ARMC2: variants seen among roughly 807,000 people sequenced by gnomAD.
The protein encoded by ARMC2 is armadillo repeat containing 2.
In ARMC2, 67 loss-of-function variants were observed where a neutral mutation model predicts 90.3. The ratio of observed to expected loss-of-function variants is 0.74; its 90% CI spans 0.61 to 0.91. The LOEUF is 0.91. Among genes scored for constraint, ARMC2 ranks in the 40% least tolerant of loss-of-function variants. ARMC2 has a pLI of 0.00. For synonymous variants in ARMC2, 393 were observed against 393.0 expected (o/e 1.00, Z 0.00); for missense variants, 920 against 1,030.9 (o/e 0.89, Z 1.47).
At chr6:108,951,214 C>G (rs1479820721) in intron 12 of ARMC2, among the ~76,000 whole-genome samples, 1 of 152,168 alleles carries the variant, frequency 6.6e-6, no homozygotes, top group African/African-American at 2.4e-5. Context: ...TCTTCCTTTG[C>G]CGTTTTAGTC....
chr6:109,012,832 A>G, the ARMC2 span, among the ~76,000 whole-genome samples: 3 of 152,034 alleles, frequency 2.0e-5, no homozygotes, highest in Admixed American at 2.0e-4. Context: ...GATAAGCAGT[A>G]GGCCGGGCGT....
At chr6:108,930,592 C>CTTT (rs144870507) in intron 11 of ARMC2, among the ~76,000 whole-genome samples, 111 of 93,758 alleles carry the variant, frequency 1.2e-3, no homozygotes, top group Non-Finnish European at 1.4e-3. Context: ...TGCCCTGAAT[C>CTTT]TTTTTTTTTT....
rs1290183133 is a variant in ARMC2, at chr6:108,910,961, T to C, written c.1086T>C (p.Asn362=). ...AACTTATATTTAAAATTAGCAGGAA[T>C]GAGAAGAATGATTCTTTGATTCAAA... The part of the protein sequence containing the change: ...VCKLIFKISR[N]EKNDSLIQND... Residue 362 remains asparagine (N), a synonymous_variant, in exon 9 of 18, where the codon AAT becomes AAC. Transcript: ENST00000392644. 2.0e-5 allele frequency: 32 copies of C among 1,585,050 alleles called. No homozygotes were observed. The highest frequency in any genetic ancestry group is 2.7e-5 in the Non-Finnish European group (31 of 1,165,596).
In ARMC2 at chr6:108,912,216, A is replaced by G. The variant is rs904936541; in HGVS notation, c.1127-119A>G. 4.0e-6 allele frequency: 3 copies of G among 742,260 alleles called. No individual in the cohort carries two copies. The African/African-American group carries it at 5.3e-5, about 13-fold the overall frequency. 46.0% of individuals were successfully genotyped at this position (742,260 alleles called of 1,614,324 possible). The stretch of plus-strand genomic sequence containing the variant: ...TATATAACTCTTAACAAGCACTTGA[A>G]TGTAGATTTTGATAAATATATTTTA... On this transcript the variant is annotated intron_variant, in intron 9 of 17. Transcript: ENST00000392644.
At chr6:108,884,156 C>T (rs757175439) in intron 5 of ARMC2, among the ~76,000 whole-genome samples, 35 of 152,124 alleles carry the variant, frequency 2.3e-4, no homozygotes, top group Non-Finnish European at 4.1e-4. Context: ...GTCCGATAAG[C>T]GTTTCCTGGT....
chr6:109,002,208 C>T, the ARMC2 span: 1 of 1,355,812 alleles, frequency 7.4e-7, no homozygotes, highest in African/African-American at 1.4e-5. Flanking sequence ...CTTCAGATGC[C>T]AACATGTGGG....
chr6:108,928,741 C>A (rs1332693805), intron 11 of ARMC2, among the ~76,000 whole-genome samples: 1 of 152,150 alleles, frequency 6.6e-6, no homozygotes, highest in Non-Finnish European at 1.5e-5. Context: ...TCATTTGAAT[C>A]CAGGTTGCCT....
At chr6:108,999,576 G>C in the ARMC2 span, among the ~76,000 whole-genome samples, 1 of 152,082 alleles carries the variant, frequency 6.6e-6, no homozygotes, top group Non-Finnish European at 1.5e-5. Flanking sequence ...ATAACAATGA[G>C]ATGCCACTTC....
At chr6:108,942,678 T>G (rs1776538725) in intron 12 of ARMC2, among the ~76,000 whole-genome samples, 1 of 152,204 alleles carries the variant, frequency 6.6e-6, no homozygotes, top group Non-Finnish European at 1.5e-5. Context: ...CTGGAAGCTT[T>G]GTAGTCTCTT....
At chr6:108,985,816 G>A in the ARMC2 span, among the ~76,000 whole-genome samples, 2 of 152,162 alleles carry the variant, frequency 1.3e-5, no homozygotes, top group Non-Finnish European at 2.9e-5. Flanking sequence ...GGCAGAAGAG[G>A]ACAAAGGCAT....
At chr6:108,988,315 A>C in the ARMC2 span, 7 of 388,630 alleles carry the variant, frequency 1.8e-5, no homozygotes, top group Admixed American at 3.1e-4. Context: ...CAGCCATGCC[A>C]GCACTTCTGA....
At chr6:109,006,426 C>T in the ARMC2 span, among the ~76,000 whole-genome samples, 1 of 151,616 alleles carries the variant, frequency 6.6e-6, no homozygotes. Flanking sequence ...TTAGGTATAT[C>T]TCCTAATGCT....
intron 11 of ARMC2, among the ~76,000 whole-genome samples, chr6:108,928,975 T>C (rs1315160516): frequency 2.0e-5 from 3 of 151,278 alleles, no homozygotes; most frequent in African/African-American, 7.3e-5. Flanking sequence ...CCAAATCTGA[T>C]TTTTTTTTAA....
At chr6:108,981,278 C>T in the ARMC2 span, among the ~76,000 whole-genome samples, 1 of 152,010 alleles carries the variant, frequency 6.6e-6, no homozygotes, top group East Asian at 1.9e-4. Context: ...CCCCTCAGAC[C>T]CACATATAAG....
At chr6:108,945,636 C>A (rs1776749866) in intron 12 of ARMC2, among the ~76,000 whole-genome samples, 1 of 152,240 alleles carries the variant, frequency 6.6e-6, no homozygotes, top group South Asian at 2.1e-4. Context: ...TCTGTTTAGA[C>A]TTCTATAGGC....
intron 11 of ARMC2, among the ~76,000 whole-genome samples, chr6:108,930,737 C>G (rs1775473450): frequency 6.6e-6 from 1 of 151,398 alleles, no homozygotes; most frequent in African/African-American, 2.4e-5. Context: ...GCTGGGACTA[C>G]AGGCACCCAC....
intron 13 of ARMC2, chr6:108,959,358 C>T (rs1162299780): frequency 6.6e-6 from 1 of 152,320 alleles, no homozygotes; most frequent in African/African-American, 2.4e-5. Flanking sequence ...TCTTCCTCAG[C>T]TCATAGCCCC....
chr6:109,009,548 C>T, the ARMC2 span: 1 of 1,003,254 alleles, frequency 1.0e-6, no homozygotes, highest in Non-Finnish European at 1.1e-6. Flanking sequence ...TCAGTCAGCA[C>T]GGACGGCGGG....
At chr6:108,966,620 A>G (rs1778390515) in intron 17 of ARMC2, among the ~76,000 whole-genome samples, 1 of 152,130 alleles carries the variant, frequency 6.6e-6, no homozygotes, top group African/African-American at 2.4e-5. Flanking sequence ...ATAAGGAAAA[A>G]AAAGTGAGCA....
Sources: gnomAD v4.1 joint callset for allele counts (sites outside exome capture counted in the v4.1 genomes callset) on GRCh38, gnomAD v4.1.1 for gene constraint, MANE v1.5 for transcripts, NCBI Gene and HGNC (gene_info 2026-07-23, HGNC 2026-07-21) for gene names.